The following NEK10 variants were observed in gnomAD, a reference collection of about 807,000 sequenced individuals.
NEK10 encodes the protein serine/threonine-protein kinase Nek10.
Under a neutral mutation model 159.8 loss-of-function variants are expected in NEK10, and 122 were observed. The ratio of observed to expected loss-of-function variants is 0.76; its 90% CI spans 0.66 to 0.89. The LOEUF is 0.89. Among genes scored for constraint, NEK10 ranks in the 40% least tolerant of loss-of-function variants. The probability of loss-of-function intolerance (pLI) is 0.00; values close to 1 mark genes in which losing one functional copy is unlikely to be tolerated. For synonymous variants in NEK10, 466 were observed against 457.1 expected (o/e 1.02, Z -0.25); for missense variants, 1,342 against 1,323.1 (o/e 1.01, Z -0.22).
At position 27,291,315 on chromosome 3, in the gene NEK10, T is replaced by A; in HGVS notation, c.1552A>T (p.Asn518Tyr). ...CCAAGATGATCCAAAATTGCATAGT[T>A]GCCTATATATTTCAAAGGAGCTTTG... ...QNKAPLKYIG[N>Y]YAILDHLGSG... The change falls in exon 18 of 36, where the codon AAC becomes TAC. Residue 518 changes from asparagine to tyrosine, a missense_variant. Coordinates refer to ENST00000691995, the MANE Select transcript of NEK10 (RefSeq NM_001394966.1). The A allele has an allele frequency of 6.2e-7, 1 of 1,613,704 alleles. No homozygotes were observed. The highest frequency in any genetic ancestry group is 8.5e-7 in the Non-Finnish European group (1 of 1,179,674).
In NEK10 at chr3:27,291,485, A is replaced by G; in HGVS notation, c.1475T>C (p.Val492Ala). 1 of 1,604,938 alleles carries G rather than the reference A, an allele frequency of 6.2e-7. No homozygotes were observed. The highest frequency in any genetic ancestry group is 1.7e-5 in the Admixed American group (1 of 60,008). The change falls in exon 17 of 36, where the codon GTG (valine) becomes GCG (alanine). Residue 492 changes from valine (V) to alanine (A), a missense_variant and splice_region_variant. Physicochemically the swap from Val to Ala is moderately conservative, Grantham distance 64. Transcript: ENST00000691995. ...AAATATTGAAAACTCAGGACTTACCACTAATAAATTCAGCTTGGATACCAA... is the reference window on the plus strand; with the variant it reads ...AAATATTGAAAACTCAGGACTTACCGCTAATAAATTCAGCTTGGATACCAA... ...EELVSKLNLL[V>A]EDELKQIAEN...
intron 30 of NEK10, among the ~76,000 whole-genome samples, chr3:27,151,846 A>G (rs1356665850): frequency 1.3e-5 from 2 of 152,220 alleles, no homozygotes; most frequent in Non-Finnish European, 2.9e-5. Context: ...GGACACACTT[A>G]TAGAAATGCA....
chr3:27,241,892 G>A (rs1427179290), intron 23 of NEK10, among the ~76,000 whole-genome samples: 1 of 152,198 alleles, frequency 6.6e-6, no homozygotes, highest in Non-Finnish European at 1.5e-5. Context: ...CTTATTCTAA[G>A]TATTGACCTC....
intron 25 of NEK10, among the ~76,000 whole-genome samples, chr3:27,199,587 A>C (rs1034043584): frequency 7.9e-5 from 12 of 152,224 alleles, no homozygotes; most frequent in African/African-American, 2.2e-4. Context: ...CTACCATTCA[A>C]CCCAGCAATC....
Position 27,291,405 on chromosome 3 carries a change from A to G in NEK10, c.1477-15T>C. On this transcript the variant is annotated splice_polypyrimidine_tract_variant and intron_variant, in intron 17 of 35. Transcript: ENST00000691995. The stretch of plus-strand genomic sequence containing the variant: ...AGTTCATCCTCCTAATCAAAATATA[A>G]AAAGGAAATGGGTTTCTGTGATAAA... The G allele has an allele frequency of 1.2e-6, 2 of 1,610,252 alleles. No individual in the cohort carries two copies. Among genetic ancestry groups the G allele is most frequent in the Non-Finnish European group, 1.7e-6 (2 of 1,178,076 alleles).
chr3:27,165,883 A>G (rs1946426993), intron 29 of NEK10, among the ~76,000 whole-genome samples: 1 of 152,242 alleles, frequency 6.6e-6, no homozygotes, highest in African/African-American at 2.4e-5. Flanking sequence ...GTCCTGGCCA[A>G]GAAGAAGATG....
chr3:27,204,864 A>G (rs1950391260), intron 23 of NEK10, among the ~76,000 whole-genome samples: 1 of 140,504 alleles, frequency 7.1e-6, no homozygotes, highest in African/African-American at 2.6e-5. Context: ...TTCTAGTTCT[A>G]GATCCCTGAG....
In NEK10 at chr3:27,133,249, C is replaced by T. The variant is rs563620376; in HGVS notation, c.2971-1259G>A. ...CAAGGAATTTCAGGGTGTAACTGTT[C>T]GTTCAGCATGACTTAACCTTATCTT... On this transcript the variant is annotated intron_variant, in intron 31 of 35. Coordinates refer to ENST00000691995, the MANE Select transcript of NEK10 (RefSeq NM_001394966.1). 3.3e-4 allele frequency among the ~76,000 whole-genome samples: 50 copies of T among 152,216 alleles called. No individual in the cohort carries two copies. The South Asian group carries it at 8.7e-3, about 26-fold the overall frequency.
At chr3:27,195,752 G>T (rs62255255) in intron 25 of NEK10, among the ~76,000 whole-genome samples, 1 of 152,060 alleles carries the variant, frequency 6.6e-6, no homozygotes, top group Non-Finnish European at 1.5e-5. Context: ...GAAACTTTTC[G>T]CCAATTCCCA....
At position 27,192,102 on chromosome 3, in the gene NEK10, C is replaced by T. The variant is rs369819834; in HGVS notation, c.2432G>A (p.Arg811His). The T allele has an allele frequency of 2.8e-5, 45 of 1,614,028 alleles. No individual in the cohort carries two copies. Among genetic ancestry groups the T allele is most frequent in the African/African-American group, 5.3e-5 (4 of 74,900 alleles). Reference protein sequence around the residue: ...LEKKLERERRRTQRYFMEANR... With the variant: ...LEKKLERERRHTQRYFMEANR... ...GGCTTCCATAAAATACCTTTGTGTG[C>T]GTCTTCGTTCCCGTTCTAGCTTCTT... The change falls in exon 26 of 36, where the codon CGC becomes CAC. Residue 811 changes from arginine (R) to histidine (H), a missense_variant. Transcript: ENST00000691995.
chr3:27,176,907 A>G (rs1005436558), intron 26 of NEK10, among the ~76,000 whole-genome samples: 1 of 152,194 alleles, frequency 6.6e-6, no homozygotes, highest in South Asian at 2.1e-4. Flanking sequence ...TATCCCTAAA[A>G]CTAGTAAAAC....
At chr3:27,283,030 A>G (rs1439756782) in intron 22 of NEK10, among the ~76,000 whole-genome samples, 1 of 152,078 alleles carries the variant, frequency 6.6e-6, no homozygotes, top group African/African-American at 2.4e-5. Context: ...GTAGCTTTGT[A>G]TTGAAGGTTA....
At chr3:27,273,260 C>A (rs1445711152) in intron 22 of NEK10, among the ~76,000 whole-genome samples, 2 of 152,194 alleles carry the variant, frequency 1.3e-5, no homozygotes, top group South Asian at 4.1e-4. Context: ...TCCCCTCCAA[C>A]AAACTACTCA....
At chr3:27,278,816 C>G in intron 22 of NEK10, 1 of 985,374 alleles carries the variant, frequency 1.0e-6, no homozygotes. Context: ...CAAATTCCCT[C>G]AAGAGTCATT....
At chr3:27,294,585 G>A (rs1038648941) in intron 15 of NEK10, among the ~76,000 whole-genome samples, 16 of 152,138 alleles carry the variant, frequency 1.1e-4, no homozygotes, top group African/African-American at 3.9e-4. Flanking sequence ...ATATATCTGT[G>A]ATGCACTGAA....
intron 25 of NEK10, 68 bp from the exon 26 acceptor site, chr3:27,192,310 T>C: frequency 1.7e-6 from 2 of 1,197,678 alleles, no homozygotes; most frequent in Admixed American, 1.7e-5. Flanking sequence ...GTGTAAAGGG[T>C]CAAGGTTAAA....
intron 15 of NEK10, among the ~76,000 whole-genome samples, 193 bp downstream of exon 15, chr3:27,295,420 C>G (rs1014628021): frequency 3.3e-5 from 5 of 152,158 alleles, no homozygotes; most frequent in Admixed American, 6.5e-5. Flanking sequence ...CACAGAGAAA[C>G]CACTGTTAAG....
At chr3:27,136,794 C>T (rs370664649) in intron 31 of NEK10, among the ~76,000 whole-genome samples, 15 of 152,258 alleles carry the variant, frequency 9.9e-5, no homozygotes, top group Admixed American at 7.2e-4. Context: ...TCCATGGAAA[C>T]GAGACAGAAA....
At chr3:27,351,626 A>G (rs1032605511) in intron 3 of NEK10, among the ~76,000 whole-genome samples, 1 of 152,140 alleles carries the variant, frequency 6.6e-6, no homozygotes, top group Non-Finnish European at 1.5e-5. Flanking sequence ...TAAGCAGATA[A>G]AAATGCTATA....
Sources: allele counts gnomAD v4.1 joint callset (sites outside exome capture counted in the v4.1 genomes callset), GRCh38; gene constraint gnomAD v4.1.1; transcripts MANE v1.5; gene names NCBI Gene and HGNC (gene_info 2026-07-23, HGNC 2026-07-21).